Variants in BABAM2 observed in about 807,000 individuals in gnomAD.
The protein encoded by BABAM2 is BRISC and BRCA1 A complex member 2, also known as BRISC and BRCA1-A complex member 2.
BABAM2 carries 31 observed loss-of-function variants against 54.7 expected under a neutral mutation model. That is an observed-to-expected ratio of 0.57 (90% CI 0.43 to 0.77). BABAM2 has a LOEUF of 0.77. Among genes scored for constraint, BABAM2 ranks in the 30% least tolerant of loss-of-function variants. The pLI is 0.00. For synonymous variants in BABAM2, 167 were observed against 162.9 expected (o/e 1.03, Z -0.19); for missense variants, 364 against 455.8 (o/e 0.80, Z 1.83).
intron 6 of BABAM2, among the ~76,000 whole-genome samples, chr2:28,104,005 A>T (rs1667295301): frequency 6.6e-6 from 1 of 152,200 alleles, no homozygotes; most frequent in Non-Finnish European, 1.5e-5. Flanking sequence ...TTATATTCTG[A>T]GGCACATTTG....
chr2:28,091,668 A>G (rs920005048), intron 6 of BABAM2, among the ~76,000 whole-genome samples: 9 of 152,210 alleles, frequency 5.9e-5, no homozygotes, highest in Non-Finnish European at 1.3e-4. Context: ...AACTATAAAG[A>G]TATAAAAGGT....
chr2:28,005,267 T>G (rs1673875637), intron 4 of BABAM2, among the ~76,000 whole-genome samples: 1 of 152,198 alleles, frequency 6.6e-6, no homozygotes, highest in African/African-American at 2.4e-5. Flanking sequence ...TTTTACTGAA[T>G]TAGAAAATCT....
rs756039871 is a variant in BABAM2, at chr2:28,147,079, G to C, written c.680+17699G>C. Among the ~76,000 whole-genome samples, 3 of 152,088 alleles carry C rather than the reference G, an allele frequency of 2.0e-5. No homozygotes were observed. In the South Asian group the frequency reaches 6.2e-4, roughly 32 times the overall value. The stretch of plus-strand genomic sequence containing the variant: ...CCCTCTACATAATCACTAACTACTG[G>C]CATGTAAGACAGAAAATCTAAGTTA... On this transcript the variant is annotated intron_variant, in intron 7 of 11. Coordinates refer to ENST00000379624, the MANE Select transcript of BABAM2 (RefSeq NM_199191.3).
intron 10 of BABAM2, among the ~76,000 whole-genome samples, chr2:28,251,472 T>C (rs1339110945): frequency 6.6e-6 from 1 of 152,216 alleles, no homozygotes; most frequent in Non-Finnish European, 1.5e-5. Context: ...ACCAAGGAAA[T>C]TATTTGCATT....
intron 6 of BABAM2, among the ~76,000 whole-genome samples, chr2:28,103,687 A>C (rs1000412218): frequency 1.3e-5 from 2 of 152,170 alleles, no homozygotes; most frequent in African/African-American, 4.8e-5. Flanking sequence ...AGTGGGAAGA[A>C]TAGTGTACTC....
At chr2:28,219,271 T>C (rs1440388635) in intron 7 of BABAM2, among the ~76,000 whole-genome samples, 2 of 152,254 alleles carry the variant, frequency 1.3e-5, no homozygotes, top group Non-Finnish European at 2.9e-5. Context: ...TTCTAGAGGC[T>C]GCTGTCCTTA....
intron 10 of BABAM2, among the ~76,000 whole-genome samples, chr2:28,259,328 C>T (rs549133009): frequency 6.6e-6 from 1 of 152,096 alleles, no homozygotes; most frequent in South Asian, 2.1e-4. Context: ...CCTCATAATC[C>T]ACCCACCTCG....
In BABAM2 at chr2:28,151,559, G is replaced by C. The variant is rs931138996; in HGVS notation, c.680+22179G>C. The stretch of plus-strand genomic sequence containing the variant: ...CATTGCACTCCAGCCTTGGCGACAA[G>C]AGCAAAACTCCATCTCAAAAAAAAG... On this transcript the variant is annotated intron_variant, in intron 7 of 11. Transcript: ENST00000379624. 2.4e-4 allele frequency among the ~76,000 whole-genome samples: 37 copies of C among 151,908 alleles called. 1 individual carries two copies. Among genetic ancestry groups the C allele is most frequent in the African/African-American group, 8.5e-4 (35 of 41,350 alleles).
rs774824111 is a variant in BABAM2, at chr2:28,338,617, G to T, written c.*104G>T. On this transcript the variant is annotated 3_prime_UTR_variant, in exon 12 of 12. Coordinates refer to ENST00000379624, the MANE Select transcript of BABAM2 (RefSeq NM_199191.3). ...CCGCCTGGAATGTCTTCACGGCAGCGTTTTGCTCACACAGCAGCTTTTGCA... is the reference window on the plus strand; with the variant it reads ...CCGCCTGGAATGTCTTCACGGCAGCTTTTTGCTCACACAGCAGCTTTTGCA... 1.8e-4 allele frequency: 255 copies of T among 1,397,992 alleles called. No individual in the cohort carries two copies. Among genetic ancestry groups the T allele is most frequent in the Non-Finnish European group, 2.5e-4 (247 of 992,126 alleles). The allele number at this position is 1,397,992 out of a possible 1,614,324, so 86.6% of individuals were successfully genotyped here. A position where few individuals can be genotyped will look rare whatever the true frequency, so the allele number is the denominator to read the frequency against.
chr2:28,316,247 A>C (rs2148295188), intron 11 of BABAM2, among the ~76,000 whole-genome samples: 1 of 152,208 alleles, frequency 6.6e-6, no homozygotes, highest in Non-Finnish European at 1.5e-5. Flanking sequence ...TTGGGGAAGG[A>C]GGCTCACCTG....
At chr2:28,253,783 T>A (rs550225183) in intron 10 of BABAM2, among the ~76,000 whole-genome samples, 185 of 152,282 alleles carry the variant, frequency 1.2e-3, no homozygotes, top group Admixed American at 2.4e-3. Context: ...CTATCTCATC[T>A]CTCAGGAATG....
chr2:27,940,985 C>A (rs1456600873), intron 3 of BABAM2, among the ~76,000 whole-genome samples: 1 of 152,132 alleles, frequency 6.6e-6, no homozygotes, highest in East Asian at 1.9e-4. Flanking sequence ...ACTTCCTGAG[C>A]CCCTACATGA....
chr2:28,183,774 C>CACACACACACAT (rs61612113), intron 7 of BABAM2, among the ~76,000 whole-genome samples: 1 of 151,708 alleles, frequency 6.6e-6, no homozygotes, highest in Admixed American at 6.6e-5. Flanking sequence ...CACACACACA[C>CACACACACACAT]GTACATTGAC....
At chr2:28,292,681 C>T (rs1687385064) in intron 10 of BABAM2, among the ~76,000 whole-genome samples, 1 of 152,116 alleles carries the variant, frequency 6.6e-6, no homozygotes, top group Non-Finnish European at 1.5e-5. Context: ...AGCTCTAAGG[C>T]AAGAATGAGA....
At chr2:28,233,228 A>C (rs749517199) in intron 7 of BABAM2, 1 of 471,278 alleles carries the variant, frequency 2.1e-6, no homozygotes, top group African/African-American at 2.0e-5. Flanking sequence ...ATCAGTGCCA[A>C]GTGGTCCCTT....
chr2:28,278,605 T>C (rs1686071096), intron 10 of BABAM2, among the ~76,000 whole-genome samples: 1 of 152,170 alleles, frequency 6.6e-6, no homozygotes, highest in African/African-American at 2.4e-5. Flanking sequence ...GATGGAGATA[T>C]TCAGTAAGTA....
In BABAM2 at chr2:27,934,449, C is replaced by T. The variant is rs75989471; in HGVS notation, c.205+4541C>T. Among the ~76,000 whole-genome samples, 530 of 152,264 alleles carry T rather than the reference C, an allele frequency of 3.5e-3. 1 individual carries two copies. The highest frequency in any genetic ancestry group is 0.012 in the African/African-American group (506 of 41,556). On this transcript the variant is annotated intron_variant, in intron 3 of 11. Coordinates refer to ENST00000379624, the MANE Select transcript of BABAM2 (RefSeq NM_199191.3). ...TTCCTTTCTCCCTCTTCTTGGGCCTCCTTATTCCCTGAGACACAGCAGTAT... is the reference window on the plus strand; with the variant it reads ...TTCCTTTCTCCCTCTTCTTGGGCCTTCTTATTCCCTGAGACACAGCAGTAT...
chr2:28,048,593 C>T (rs1573471917), intron 6 of BABAM2, among the ~76,000 whole-genome samples: 1 of 152,284 alleles, frequency 6.6e-6, no homozygotes, highest in South Asian at 2.1e-4. Flanking sequence ...AAATCCTCTT[C>T]TTCTGTGGTC....
chr2:28,102,284 T>C (rs1175793423), intron 6 of BABAM2, among the ~76,000 whole-genome samples: 2 of 152,224 alleles, frequency 1.3e-5, no homozygotes, highest in Non-Finnish European at 2.9e-5. Context: ...AAGAATTGGT[T>C]TCAGCTGTGC....
Sources: gnomAD v4.1 joint callset for allele counts (sites outside exome capture counted in the v4.1 genomes callset) on GRCh38, gnomAD v4.1.1 for gene constraint, MANE v1.5 for transcripts, NCBI Gene and HGNC (gene_info 2026-07-23, HGNC 2026-07-21) for gene names.